WDSUB1: variants seen among roughly 807,000 people sequenced by gnomAD.
WDSUB1 encodes WD repeat, sterile alpha motif and U-box domain containing 1, also known as WD repeat, SAM and U-box domain-containing protein 1.
Under a neutral mutation model 53.9 loss-of-function variants are expected in WDSUB1, and 49 were observed. The ratio of observed to expected loss-of-function variants is 0.91; its 90% CI spans 0.72 to 1.15. The LOEUF (loss-of-function observed/expected upper bound fraction) is 1.15, where lower values mean the gene tolerates loss of function less well. Ranked by LOEUF, WDSUB1 falls within the 50% of genes most tolerant of loss-of-function variation. The probability of loss-of-function intolerance (pLI) is 0.00; values close to 1 mark genes in which losing one functional copy is unlikely to be tolerated. For missense variants in WDSUB1, 514 were observed against 562.0 expected, an observed-to-expected ratio of 0.91 and a Z score of 0.86; for synonymous variants, 194 against 200.6, an observed-to-expected ratio of 0.97 and a Z score of 0.28.
chr2:159,273,430 A>AT (rs1328316337), intron 4 of WDSUB1, among the ~76,000 whole-genome samples: 151 of 149,992 alleles, frequency 1.0e-3, no homozygotes, highest in African/African-American at 3.4e-3. Flanking sequence ...TATTTTTATT[A>AT]TTTTTTTTTT....
At position 159,271,735 on chromosome 2, in the gene WDSUB1, G is replaced by A. The variant is rs1251257550; in HGVS notation, c.737C>T (p.Ala246Val). The change falls in exon 5 of 11, where the codon GCT becomes GTT. Residue 246 changes from alanine to valine, a missense_variant. By Grantham distance (64) the Ala-to-Val change is moderately conservative (BLOSUM62 0). Transcript: ENST00000359774. ...SGHCAPVLAC[A>V]FSHDGQMLVS... is the part of the protein sequence containing the mutation. ...TAGCATCTGCCCATCATGGGAAAAA[G>A]CACAAGCCAGAACAGGAGCACAGTG... 2 of 1,614,126 alleles carry A rather than the reference G, an allele frequency of 1.2e-6. No homozygotes were observed. Among genetic ancestry groups the A allele is most frequent in the East Asian group, 4.5e-5 (2 of 44,878 alleles).
intron 2 of WDSUB1, among the ~76,000 whole-genome samples, chr2:159,280,242 A>G (rs576848797): frequency 6.6e-6 from 1 of 152,360 alleles, no homozygotes; most frequent in East Asian, 1.9e-4. Context: ...AGGGCAAATC[A>G]GTATAAACAC....
At chr2:159,242,042 C>T (rs1157924879) in intron 10 of WDSUB1, among the ~76,000 whole-genome samples, 3 of 146,202 alleles carry the variant, frequency 2.1e-5, no homozygotes, top group African/African-American at 5.4e-5. Flanking sequence ...TGTTGATAAA[C>T]AAAAGCAACT....
At chr2:159,263,541 A>G (rs1370834186) in intron 5 of WDSUB1, among the ~76,000 whole-genome samples, 4 of 152,226 alleles carry the variant, frequency 2.6e-5, no homozygotes, top group Non-Finnish European at 5.9e-5. Context: ...GCAATGCAAA[A>G]AGGAAATATG....
intron 4 of WDSUB1, among the ~76,000 whole-genome samples, chr2:159,273,993 A>C (rs1209318555): frequency 6.6e-6 from 1 of 152,206 alleles, no homozygotes; most frequent in African/African-American, 2.4e-5. Context: ...TGACCACAAA[A>C]TTTCAGATTC....
chr2:159,246,080 T>C (rs1327822957), intron 10 of WDSUB1, among the ~76,000 whole-genome samples: 2 of 151,964 alleles, frequency 1.3e-5, no homozygotes, highest in Non-Finnish European at 2.9e-5. Context: ...TATGACTGGA[T>C]AAATAAGCTC....
intron 6 of WDSUB1, 78 bp from the exon 7 acceptor site, chr2:159,258,063 G>GGGTT: frequency 7.7e-7 from 1 of 1,293,542 alleles, no homozygotes; most frequent in Admixed American, 1.7e-5. Context: ...TGACATAAAT[G>GGGTT]GGTTGTATAC....
At chr2:159,251,996 T>A (rs2060960838) in intron 9 of WDSUB1, among the ~76,000 whole-genome samples, 1 of 152,050 alleles carries the variant, frequency 6.6e-6, no homozygotes, top group Non-Finnish European at 1.5e-5. Context: ...GGAGGCCAGT[T>A]ACCAAGACAG....
At chr2:159,281,161 T>G (rs188526266) in intron 2 of WDSUB1, among the ~76,000 whole-genome samples, 11 of 152,216 alleles carry the variant, frequency 7.2e-5, no homozygotes, top group African/African-American at 2.7e-4. Context: ...GGAGGTACAC[T>G]AGGCTCTTTT....
chr2:159,259,663 A>G, intron 6 of WDSUB1, 147 bp downstream of exon 6: 1 of 872,104 alleles, frequency 1.1e-6, no homozygotes. Context: ...TTACTTGCGT[A>G]ACTATTTTAG....
At chr2:159,261,913 T>TAAA in intron 5 of WDSUB1, among the ~76,000 whole-genome samples, 2 of 81,912 alleles carry the variant, frequency 2.4e-5, no homozygotes, top group Non-Finnish European at 5.5e-5. Flanking sequence ...TTTTTTTTTT[T>TAAA]TTTTTTTTTT....
At chr2:159,252,841 T>C (rs2060979123) in intron 9 of WDSUB1, among the ~76,000 whole-genome samples, 1 of 152,212 alleles carries the variant, frequency 6.6e-6, no homozygotes, top group Non-Finnish European at 1.5e-5. Context: ...TATGATTTCT[T>C]GGAAAGAAGA....
chr2:159,271,153 C>G (rs963643220), intron 5 of WDSUB1, among the ~76,000 whole-genome samples: 10 of 152,120 alleles, frequency 6.6e-5, no homozygotes, highest in African/African-American at 2.4e-4. Context: ...TTGTTATCTG[C>G]CAAAGTTGAA....
At chr2:159,246,155 G>A (rs938983699) in intron 10 of WDSUB1, among the ~76,000 whole-genome samples, 3 of 152,144 alleles carry the variant, frequency 2.0e-5, no homozygotes, top group African/African-American at 4.8e-5. Context: ...ATAAGAGGCC[G>A]GGTACAGTGG....
chr2:159,248,405 T>C lies in WDSUB1; in HGVS notation c.1240A>G (p.Arg414Gly), dbSNP rs774118808. ...ATGACCGGATCTTTCATAAGTTCTC[T>C]AGTTATTGGACATATAAATTCATCA... Reference protein sequence around the residue: ...IPDEFICPITRELMKDPVIAS... With the variant: ...IPDEFICPITGELMKDPVIAS... Residue 414 changes from arginine to glycine, a missense_variant, in exon 10 of 11, where the codon AGA becomes GGA. By Grantham distance (125) the Arg-to-Gly change is moderately radical. Transcript: ENST00000359774. 2.5e-6 allele frequency: 4 copies of C among 1,611,936 alleles called. No homozygotes were observed. The African/African-American group carries it at 5.4e-5, about 22-fold the overall frequency.
At chr2:159,260,450 CTGAA>C (rs773257783) in intron 5 of WDSUB1, among the ~76,000 whole-genome samples, 5 of 152,166 alleles carry the variant, frequency 3.3e-5, no homozygotes, top group Admixed American at 1.3e-4. Flanking sequence ...AAGTTAGTAA[CTGAA>C]TGGGAAAAAC....
rs146770465 is a variant in WDSUB1 at position 159,283,031 on chromosome 2, G to A, written c.39C>T (p.Asp13=). ...AGGAGAAGGCACAGCAGTTGACATCGTCACCATGATCAGCTAATGTGTGAA... is the reference window on the plus strand; with the variant it reads ...AGGAGAAGGCACAGCAGTTGACATCATCACCATGATCAGCTAATGTGTGAA... ...KLIHTLADHG[D]DVNCCAFSFS... The change falls in exon 2 of 11, where the codon GAC becomes GAT. Residue 13 remains aspartate, a synonymous_variant. Coordinates refer to ENST00000359774, the MANE Select transcript of WDSUB1 (RefSeq NM_001128212.3). The A allele has an allele frequency of 1.1e-4, 183 of 1,613,856 alleles. 1 individual carries two copies. The highest frequency in any genetic ancestry group is 8.2e-4 in the Middle Eastern group (5 of 6,062).
chr2:159,264,619 C>T (rs977162661), intron 5 of WDSUB1, among the ~76,000 whole-genome samples: 1 of 152,096 alleles, frequency 6.6e-6, no homozygotes, highest in Admixed American at 6.5e-5. Flanking sequence ...GTGGGGCAAG[C>T]GCTGGGCCAT....
chr2:159,282,985 A>T lies in WDSUB1; in HGVS notation c.85T>A (p.Ser29Thr). The change falls in exon 2 of 11, where the codon TCC becomes ACC. Residue 29 changes from serine (S) to threonine (T), a missense_variant. Coordinates refer to ENST00000359774, the MANE Select transcript of WDSUB1 (RefSeq NM_001128212.3). ...TACAGGCGAATTGTTTTGTCCAAGG[A>T]GCAAGTAGCCAAGAGGGAAAAGGAG... The part of the protein sequence containing the change: ...AFSFSLLATC[S>T]LDKTIRLYSL... 1.9e-6 allele frequency: 3 copies of T among 1,614,228 alleles called. No individual in the cohort carries two copies. Among genetic ancestry groups the T allele is most frequent in the Non-Finnish European group, 2.5e-6 (3 of 1,180,044 alleles).
Sources: gnomAD v4.1 joint callset for allele counts (sites outside exome capture counted in the v4.1 genomes callset) on GRCh38, gnomAD v4.1.1 for gene constraint, MANE v1.5 for transcripts, NCBI Gene and HGNC (gene_info 2026-07-23, HGNC 2026-07-21) for gene names.